The following F2 variants were observed in gnomAD, a reference collection of about 807,000 sequenced individuals.
F2 encodes the protein prothrombin.
In F2, 34 loss-of-function variants were observed where a neutral mutation model predicts 81.9. The ratio of observed to expected loss-of-function variants is 0.42; its 90% CI spans 0.32 to 0.55. The LOEUF (loss-of-function observed/expected upper bound fraction) is 0.55, where lower values mean the gene tolerates loss of function less well. Among genes scored for constraint, F2 ranks in the 20% least tolerant of loss-of-function variants. F2 has a pLI of 0.18. For synonymous variants in F2, 296 were observed against 326.4 expected, an observed-to-expected ratio of 0.91 and a Z score of 1.01; for missense variants, 630 against 833.4, an observed-to-expected ratio of 0.76 and a Z score of 3.00.
At chr11:46,725,715 G>A in intron 6 of F2, 144 bp from the exon 7 acceptor site, 1 of 932,452 alleles carries the variant, frequency 1.1e-6, no homozygotes, top group East Asian at 2.4e-5. Flanking sequence ...CCCCTTTAAA[G>A]GCAAACGGTC....
At position 46,720,235 on chromosome 11, in the gene F2, C is replaced by A; in HGVS notation, c.241-288C>A. The A allele has an allele frequency of 5.3e-6, 3 of 561,460 alleles. No individual in the cohort carries two copies. In the South Asian group the frequency reaches 6.1e-5, roughly 12 times the overall value. The allele number at this position is 561,460 out of a possible 1,614,324, so 34.8% of individuals were successfully genotyped here. On this transcript the variant is annotated intron_variant, in intron 2 of 13. Transcript: ENST00000311907. ...CTCAAGACTCAGTGTTCCTGGAGCT[C>A]TGTGTCGCCTTTCCTGTCTGTAGGG...
rs570065668 is a variant in F2 at position 46,726,280 on chromosome 11, C to T, written c.874+107C>T. On this transcript the variant is annotated intron_variant, in intron 7 of 13. Transcript: ENST00000311907. The surrounding 1 kb of genome is among the most constrained non-coding windows in gnomAD (Gnocchi z 5.9). ...CTTACCTCATTGAGTGCGCTCATTA[C>T]AGCCTTACAGTAACCAGGTGGGGGG... The T allele has an allele frequency of 6.3e-5, 93 of 1,477,186 alleles. No individual in the cohort carries two copies. In the African/African-American group the frequency reaches 1.2e-3, roughly 19 times the overall value. 91.5% of individuals were successfully genotyped at this position (1,477,186 alleles called of 1,614,324 possible). A position where few individuals can be genotyped will look rare whatever the true frequency, so the allele number is the denominator to read the frequency against.
At chr11:46,720,422 G>A (rs547503708) in intron 2 of F2, 101 bp from the exon 3 acceptor site, 10 of 1,378,778 alleles carry the variant, frequency 7.3e-6, no homozygotes, top group South Asian at 3.5e-5. Flanking sequence ...TGCCCCCTGC[G>A]TGACCAGGGT....
Position 46,729,423 on chromosome 11 carries a change from A to T in F2, c.1516A>T (p.Asn506Tyr). 1 of 1,614,088 alleles carries T rather than the reference A, an allele frequency of 6.2e-7. No homozygotes were observed. The highest frequency in any genetic ancestry group is 8.5e-7 in the Non-Finnish European group (1 of 1,180,014). The change falls in exon 12 of 14, where the codon AAC (asparagine) becomes TAC (tyrosine). Residue 506 changes from asparagine (N) to tyrosine (Y), a missense_variant. Asn to Tyr is a moderately radical substitution (Grantham distance 143). Coordinates refer to ENST00000311907, the MANE Select transcript of F2 (RefSeq NM_000506.5). ...CAAGGGGCGGGTGACAGGCTGGGGCAACCTGAAGGAGACGTGGACAGCCAA... is the reference window on the plus strand; with the variant it reads ...CAAGGGGCGGGTGACAGGCTGGGGCTACCTGAAGGAGACGTGGACAGCCAA... ...GYKGRVTGWG[N>Y]LKETWTANVG...
In F2 at chr11:46,729,266, G is replaced by A. The variant is rs1046015811; in HGVS notation, c.1473-114G>A. 59 of 1,217,966 alleles carry A rather than the reference G, an allele frequency of 4.8e-5. 1 individual carries two copies. The highest frequency in any genetic ancestry group is 3.5e-4 in the Admixed American group (17 of 49,164). 75.4% of individuals were successfully genotyped at this position (1,217,966 alleles called of 1,614,324 possible). A position where few individuals can be genotyped will look rare whatever the true frequency, so the allele number is the denominator to read the frequency against. On this transcript the variant is annotated intron_variant, in intron 11 of 13. Coordinates refer to ENST00000311907, the MANE Select transcript of F2 (RefSeq NM_000506.5). The stretch of plus-strand genomic sequence containing the variant: ...AAGTGCCGAGACCACAGGCGTGAAC[G>A]TCTGTGCCCAGCCAGCTCTGGCGTT...
chr11:46,739,231 T>C, intron 13 of F2, 34 bp from the exon 14 acceptor site: 3 of 1,613,838 alleles, frequency 1.9e-6, no homozygotes, highest in Non-Finnish European at 2.5e-6. Flanking sequence ...ACCTTGAACT[T>C]GACTCTATTG....
rs1262361466 is a variant in F2 at position 46,728,590 on chromosome 11, C to T, written c.1299-74C>T. The T allele has an allele frequency of 9.6e-6, 15 of 1,567,960 alleles. No homozygotes were observed. The highest frequency in any genetic ancestry group is 6.8e-5 in the African/African-American group (5 of 74,064). ...GCAGGACACACTGTCTCCCAGACCCCAAGGGCAGGCAGTTTCCTGCTCCTT... is the reference window on the plus strand; with the variant it reads ...GCAGGACACACTGTCTCCCAGACCCTAAGGGCAGGCAGTTTCCTGCTCCTT... On this transcript the variant is annotated intron_variant, in intron 10 of 13. Coordinates refer to ENST00000311907, the MANE Select transcript of F2 (RefSeq NM_000506.5). The surrounding 1 kb of genome is among the most constrained non-coding windows in gnomAD (Gnocchi z 5.1).
In F2 at chr11:46,719,688, C is replaced by G. The variant is rs376845267; in HGVS notation, c.80-14C>G. 3 of 1,581,154 alleles carry G rather than the reference C, an allele frequency of 1.9e-6. No homozygotes were observed. Among genetic ancestry groups the G allele is most frequent in the African/African-American group, 2.7e-5 (2 of 74,202 alleles). ...CTGAGGCCGCTGTCCCATGACCCCC[C>G]CACCGCCTTACAGTGTTCCTGGCTC... On this transcript the variant is annotated splice_polypyrimidine_tract_variant and intron_variant, in intron 1 of 13. Coordinates refer to ENST00000311907, the MANE Select transcript of F2 (RefSeq NM_000506.5). The surrounding 1 kb of genome is among the most constrained non-coding windows in gnomAD (Gnocchi z 4.7).
At position 46,728,216 on chromosome 11, in the gene F2, C is replaced by T. The variant is rs528867688; in HGVS notation, c.1298+53C>T. The stretch of plus-strand genomic sequence containing the variant: ...TGGCAGGGGTCTGAGTCCTCCAAAG[C>T]GATCATGAGGGGCCCTGGTGGCTCC... On this transcript the variant is annotated intron_variant, in intron 10 of 13. Coordinates refer to ENST00000311907, the MANE Select transcript of F2 (RefSeq NM_000506.5). This position sits in a 1 kb window ranked among gnomAD's most constrained non-coding sequence, Gnocchi z 5.1. 2.1e-5 allele frequency: 33 copies of T among 1,567,132 alleles called. No homozygotes were observed. Among genetic ancestry groups the T allele is most frequent in the South Asian group, 1.3e-4 (11 of 86,184 alleles).
chr11:46,730,180 GT>G (rs2064902212), intron 12 of F2, among the ~76,000 whole-genome samples: 1 of 151,716 alleles, frequency 6.6e-6, no homozygotes, highest in Non-Finnish European at 1.5e-5. Context: ...CATGCCTGTA[GT>G]CGCAGCTACT....
chr11:46,734,146 G>A (rs1193014825), intron 12 of F2, among the ~76,000 whole-genome samples: 3 of 151,892 alleles, frequency 2.0e-5, no homozygotes, highest in Non-Finnish European at 4.4e-5. Context: ...CACCCAGGCT[G>A]GAGTGCAATG....
At position 46,723,148 on chromosome 11, in the gene F2, C is replaced by T; in HGVS notation, c.317-32C>T. 6.3e-7 allele frequency: 1 copy of T among 1,598,436 alleles called. No homozygotes were observed. The highest frequency in any genetic ancestry group is 8.6e-7 in the Non-Finnish European group (1 of 1,166,068). On this transcript the variant is annotated intron_variant, in intron 4 of 13. Transcript: ENST00000311907. The surrounding 1 kb of genome is among the most constrained non-coding windows in gnomAD (Gnocchi z 5.6). ...GGGAGAGAGGAAATAAGTCCCCAGG[C>T]TCCAAGGCTGACCGGGGTGGGGTCT...
At chr11:46,739,022 A>G (rs371470876) in intron 12 of F2, 26 bp from the exon 13 acceptor site, 37 of 1,613,446 alleles carry the variant, frequency 2.3e-5, no homozygotes, top group Admixed American at 6.7e-5. Flanking sequence ...TATGCTCCTG[A>G]GCACAGACGG....
At chr11:46,734,990 A>G (rs1028697977) in intron 12 of F2, among the ~76,000 whole-genome samples, 1 of 152,158 alleles carries the variant, frequency 6.6e-6, no homozygotes, top group Admixed American at 6.5e-5. Flanking sequence ...TTATTTTCCA[A>G]ATGGCTAACT....
Position 46,726,281 on chromosome 11 carries a change from A to C in F2, c.874+108A>C. ...TTACCTCATTGAGTGCGCTCATTAC[A>C]GCCTTACAGTAACCAGGTGGGGGGT... On this transcript the variant is annotated intron_variant, in intron 7 of 13. Transcript: ENST00000311907. This position sits in a 1 kb window ranked among gnomAD's most constrained non-coding sequence, Gnocchi z 5.9. 1 of 1,480,234 alleles carries C rather than the reference A, an allele frequency of 6.8e-7. No individual in the cohort carries two copies. The highest frequency in any genetic ancestry group is 9.2e-7 in the Non-Finnish European group (1 of 1,087,888). 91.7% of individuals were successfully genotyped at this position (1,480,234 alleles called of 1,614,324 possible). A position where few individuals can be genotyped will look rare whatever the true frequency, so the allele number is the denominator to read the frequency against.
rs749279091 is a variant in F2, at chr11:46,719,349, G to A, written c.79+35G>A. On this transcript the variant is annotated intron_variant, in intron 1 of 13. Transcript: ENST00000311907. The surrounding 1 kb of genome is among the most constrained non-coding windows in gnomAD (Gnocchi z 4.7). ...TGCTTGCAGGCTGGAACAGGCTGGAGGACTGGGGTGTGGGCCCATGGGCTG... is the reference window on the plus strand; with the variant it reads ...TGCTTGCAGGCTGGAACAGGCTGGAAGACTGGGGTGTGGGCCCATGGGCTG... The A allele has an allele frequency of 6.3e-7, 1 of 1,597,636 alleles. No individual in the cohort carries two copies. The highest frequency in any genetic ancestry group is 8.5e-7 in the Non-Finnish European group (1 of 1,171,984).
At chr11:46,729,042 G>C (rs542595235) in intron 11 of F2, among the ~76,000 whole-genome samples, 1 of 152,194 alleles carries the variant, frequency 6.6e-6, no homozygotes, top group African/African-American at 2.4e-5. Flanking sequence ...TGTCTCCCAG[G>C]CTGGAGTGTA....
At chr11:46,738,980 G>C in intron 12 of F2, 68 bp from the exon 13 acceptor site, 3 of 1,530,452 alleles carry the variant, frequency 2.0e-6, no homozygotes, top group Non-Finnish European at 2.7e-6. Flanking sequence ...CACCAGCTGT[G>C]TCTCGTGAAG....
chr11:46,728,264 T>TATA lies in F2; in HGVS notation c.1298+102_1298+103insTAA. The TATA allele has an allele frequency of 8.0e-7, 1 of 1,257,434 alleles. No individual in the cohort carries two copies. The allele number at this position is 1,257,434 out of a possible 1,614,324, so 77.9% of individuals were successfully genotyped here. ...TCCGGGACACATAGGATGTTCTGTA[T>TATA]ACCCCCCAGAATATAACATCCCAGC... is the stretch of plus-strand genomic sequence containing the variant. On this transcript the variant is annotated intron_variant, in intron 10 of 13. Transcript: ENST00000311907. This position sits in a 1 kb window ranked among gnomAD's most constrained non-coding sequence, Gnocchi z 5.1.
Sources: gnomAD v4.1 joint callset for allele counts (sites outside exome capture counted in the v4.1 genomes callset) on GRCh38, gnomAD v4.1.1 for gene constraint, Gnocchi (gnomAD v3.1) non-coding constraint, MANE v1.5 for transcripts, NCBI Gene and HGNC (gene_info 2026-07-23, HGNC 2026-07-21) for gene names.